Variants in ADGRV1 observed in about 807,000 individuals in gnomAD.
ADGRV1 encodes G-protein coupled receptor 98.
Under a neutral mutation model 596.2 loss-of-function variants are expected in ADGRV1, and 359 were observed. That is an observed-to-expected ratio of 0.60 (90% CI 0.55 to 0.66). The LOEUF is 0.66. Ranked by LOEUF, ADGRV1 falls within the 30% of genes least tolerant of loss-of-function variation. The pLI is 0.00. For synonymous variants in ADGRV1, 2,681 were observed against 2,679.2 expected, an observed-to-expected ratio of 1.00 and a Z score of -0.02; for missense variants, 7,274 against 7,575.6, an observed-to-expected ratio of 0.96 and a Z score of 1.48.
At chr5:90,766,814 G>A (rs553039701) in intron 59 of ADGRV1, among the ~76,000 whole-genome samples, 2 of 152,262 alleles carry the variant, frequency 1.3e-5, no homozygotes, top group South Asian at 2.1e-4. Context: ...ACCTTGGCTG[G>A]AGTATCAACC....
Position 90,728,846 on chromosome 5 carries a change from G to A in ADGRV1, c.10339G>A (p.Glu3447Lys), listed in dbSNP as rs397517419. 1,076 of 1,613,852 alleles carry A rather than the reference G, an allele frequency of 6.7e-4. 17 individuals carry two copies. The South Asian group carries it at 0.011, about 16-fold the overall frequency. The change falls in exon 49 of 90, where the codon GAG becomes AAG. Residue 3447 changes from glutamate (E) to lysine (K), a missense_variant. By Grantham distance (56) the Glu-to-Lys change is moderately conservative. This residue lies in a region of ADGRV1 where 3,643 missense variants were observed against 3,809.2 expected (regional missense o/e 0.96). Transcript: ENST00000405460. ...WSGSGFINFQ[E>K]VPVSGTTEVE... ...TGGCAGTGGGTTTATTAACTTTCAA[G>A]AGGTGCCTGTCAGTGGGACAACAGA...
chr5:91,004,044 C>G lies in ADGRV1; in HGVS notation c.18152+18522C>G, dbSNP rs374007502. 4.6e-5 allele frequency among the ~76,000 whole-genome samples: 7 copies of G among 152,040 alleles called. No individual in the cohort carries two copies. In the East Asian group the frequency reaches 1.2e-3, roughly 25 times the overall value. ...ATGCACTCAACACTGGAGAAAATGT[C>G]GACTATAAGGAGATGTTACAGTATT... On this transcript the variant is annotated intron_variant, in intron 85 of 89. Transcript: ENST00000405460.
chr5:90,847,709 T>C (rs1766044900), intron 78 of ADGRV1, among the ~76,000 whole-genome samples: 1 of 152,200 alleles, frequency 6.6e-6, no homozygotes, highest in Non-Finnish European at 1.5e-5. Flanking sequence ...CGGCAGCTGC[T>C]GGCCAAGGTG....
intron 67 of ADGRV1, among the ~76,000 whole-genome samples, chr5:90,785,335 A>G (rs930854603): frequency 4.6e-5 from 7 of 152,238 alleles, no homozygotes; most frequent in Admixed American, 2.0e-4. Context: ...CATTCAGGAC[A>G]TAGGCGTGGG....
chr5:90,687,985 T>C (rs1345465795), intron 29 of ADGRV1, among the ~76,000 whole-genome samples: 1 of 152,124 alleles, frequency 6.6e-6, no homozygotes, highest in African/African-American at 2.4e-5. Flanking sequence ...CAAGGTAATT[T>C]ATAGATTCAA....
At position 90,647,716 on chromosome 5, in the gene ADGRV1, A is replaced by G. The variant is rs534171711; in HGVS notation, c.3241A>G (p.Ile1081Val). The G allele has an allele frequency of 5.6e-6, 9 of 1,613,688 alleles. No homozygotes were observed. Among genetic ancestry groups the G allele is most frequent in the African/African-American group, 1.3e-5 (1 of 75,060 alleles). ...ATCCATATTTGTTAATGAAGATGGT[A>G]TCCCGGAAACAGATGAGCCCTTTTA... Reference protein sequence around the residue: ...SISIFVNEDGIPETDEPFYII... With the variant: ...SISIFVNEDGVPETDEPFYII... Residue 1081 changes from isoleucine to valine, a missense_variant, in exon 17 of 90, where the codon ATC becomes GTC. Around this residue, in one of 5 missense-constraint regions of ADGRV1, gnomAD observed 1,715 missense variants for 1,708.8 expected, o/e 1.00. Coordinates refer to ENST00000405460, the MANE Select transcript of ADGRV1 (RefSeq NM_032119.4).
At chr5:91,046,013 A>G (rs185215571) in intron 85 of ADGRV1, among the ~76,000 whole-genome samples, 119 of 152,324 alleles carry the variant, frequency 7.8e-4, no homozygotes, top group South Asian at 3.3e-3. Context: ...GAAAGAAATC[A>G]TAGACAACAC....
At chr5:91,009,391 A>G (rs1163052496) in intron 85 of ADGRV1, among the ~76,000 whole-genome samples, 4 of 152,156 alleles carry the variant, frequency 2.6e-5, no homozygotes, top group Non-Finnish European at 4.4e-5. Flanking sequence ...GTTGGAGACA[A>G]TTGAAACAAG....
intron 52 of ADGRV1, among the ~76,000 whole-genome samples, chr5:90,747,413 A>G (rs983632469): frequency 1.9e-4 from 29 of 152,102 alleles, no homozygotes; most frequent in Non-Finnish European, 1.2e-4. Flanking sequence ...AGTCATATCC[A>G]TGGCTATGAT....
intron 21 of ADGRV1, among the ~76,000 whole-genome samples, chr5:90,671,663 GA>G (rs1772482618): frequency 6.6e-6 from 1 of 152,110 alleles, no homozygotes; most frequent in African/African-American, 2.4e-5. Context: ...TGGTTCATAT[GA>G]AAAATACAGA....
At chr5:90,631,137 A>G (rs1474739743) in intron 9 of ADGRV1, among the ~76,000 whole-genome samples, 1 of 152,198 alleles carries the variant, frequency 6.6e-6, no homozygotes, top group African/African-American at 2.4e-5. Context: ...TATTCTTCAG[A>G]ACTTGAAAGG....
Position 90,610,294 on chromosome 5 carries a change from TAGG to T in ADGRV1, c.23-4538_23-4536del, listed in dbSNP as rs572319150. ...CAGGTAAAAAATAAAGTAGGGAAAA[TAGG>T]AGTAGGTTTTTAAACAGGAACAATA... On this transcript the variant is annotated intron_variant, in intron 1 of 89. Transcript: ENST00000405460. Among the ~76,000 whole-genome samples the T allele has an allele frequency of 4.0e-3, 615 of 151,918 alleles. 7 individuals carry two copies. Among genetic ancestry groups the T allele is most frequent in the African/African-American group, 0.014 (600 of 41,456 alleles).
intron 50 of ADGRV1, among the ~76,000 whole-genome samples, chr5:90,740,906 C>T (rs1048231176): frequency 1.3e-5 from 2 of 152,190 alleles, no homozygotes; most frequent in East Asian, 3.8e-4. Flanking sequence ...GTTCCTCTTA[C>T]ACTTCAATTG....
intron 45 of ADGRV1, among the ~76,000 whole-genome samples, chr5:90,723,374 A>G: frequency 6.6e-6 from 1 of 152,148 alleles, no homozygotes; most frequent in East Asian, 1.9e-4. Flanking sequence ...TAATAGTGGT[A>G]TGGTTGTCTA....
At chr5:90,923,038 T>G (rs1774035052) in intron 83 of ADGRV1, among the ~76,000 whole-genome samples, 1 of 152,170 alleles carries the variant, frequency 6.6e-6, no homozygotes, top group Non-Finnish European at 1.5e-5. Context: ...AAGTTATGCT[T>G]AGAATTTGGG....
chr5:91,123,879 G>T (rs76239749), intron 87 of ADGRV1, among the ~76,000 whole-genome samples: 1,998 of 152,280 alleles, frequency 0.013, 42 homozygotes, highest in African/African-American at 0.045. Context: ...CTAGCAGGGA[G>T]TGGAGGGTGG....
chr5:90,973,583 A>G (rs889802896), intron 84 of ADGRV1, among the ~76,000 whole-genome samples: 3 of 152,234 alleles, frequency 2.0e-5, no homozygotes, highest in African/African-American at 7.2e-5. Flanking sequence ...GCATATAAAC[A>G]GAACCAAAGA....
chr5:90,872,405 T>C (rs557478110), intron 83 of ADGRV1, among the ~76,000 whole-genome samples: 4 of 151,046 alleles, frequency 2.6e-5, no homozygotes, highest in African/African-American at 9.8e-5. Context: ...TCTAGAAAAT[T>C]ATACATATGG....
intron 87 of ADGRV1, among the ~76,000 whole-genome samples, chr5:91,107,555 CTCTCTTT>C (rs1326404022): frequency 6.6e-6 from 1 of 152,086 alleles, no homozygotes; most frequent in Non-Finnish European, 1.5e-5. Context: ...ATGTAATGCC[CTCTCTTT>C]TCTCTTAAAG....
Sources: gnomAD v4.1 joint callset for allele counts (sites outside exome capture counted in the v4.1 genomes callset) on GRCh38, gnomAD v4.1.1 for gene constraint, gnomAD v4.1.1 regional missense constraint, MANE v1.5 for transcripts, NCBI Gene and HGNC (gene_info 2026-07-23, HGNC 2026-07-21) for gene names.